The following NHS variants were observed in gnomAD, a reference collection of about 807,000 sequenced individuals.
The protein encoded by NHS is actin remodeling regulator NHS.
NHS carries 5 observed loss-of-function variants against 72.5 expected under a neutral mutation model. The ratio of observed to expected loss-of-function variants is 0.07; its 90% CI spans 0.04 to 0.14. The LOEUF is 0.14. Ranked by LOEUF, NHS falls within the 10% of genes least tolerant of loss-of-function variation. NHS has a pLI of 1.00. For synonymous variants in NHS, 464 were observed against 547.7 expected (o/e 0.85, Z 2.13); for missense variants, 1,072 against 1,355.7 (o/e 0.79, Z 3.29).
chrX:17,693,165 C>T (rs2066207549), intron 3 of NHS, among the ~76,000 whole-genome samples: 1 of 112,518 alleles, frequency 8.9e-6, no homozygotes, highest in African/African-American at 3.2e-5. Context: ...ATGGATGTGG[C>T]TGTAACTCAG....
rs1419410979 is a variant in NHS, at chrX:17,727,184, A to G, written c.3078A>G (p.Ser1026=). 8.3e-7 allele frequency: 1 copy of G among 1,210,526 alleles called. No homozygotes were observed. Among genetic ancestry groups the G allele is most frequent in the Non-Finnish European group, 1.1e-6 (1 of 895,046 alleles). The change falls in exon 7 of 9, where the codon TCA becomes TCG. Residue 1026 remains serine (S), a synonymous_variant. Coordinates refer to ENST00000676302, the MANE Select transcript of NHS (RefSeq NM_001291867.2). ...AGLASPSSGY[S]SQSETPTSSF... ...TGGCATCTCCATCAAGTGGCTATTC[A>G]AGCCAGTCTGAAACGCCAACATCCT...
At chrX:17,715,397 T>C (rs1028622568) in intron 3 of NHS, among the ~76,000 whole-genome samples, 2 of 112,671 alleles carry the variant, frequency 1.8e-5, no homozygotes, top group Non-Finnish European at 3.7e-5. Flanking sequence ...ATGGTGTATA[T>C]TTAACACATT....
chrX:17,547,276 A>G (rs752023419), intron 1 of NHS, among the ~76,000 whole-genome samples: 73 of 112,639 alleles, frequency 6.5e-4, no homozygotes, highest in Non-Finnish European at 1.1e-3. Flanking sequence ...TGTGGATTCA[A>G]AGCAGTGAGC....
At chrX:17,486,775 A>T (rs1038684300) in intron 1 of NHS, among the ~76,000 whole-genome samples, 1 of 112,199 alleles carries the variant, frequency 8.9e-6, no homozygotes, top group African/African-American at 3.2e-5. Flanking sequence ...TGAGCAATAA[A>T]CAAACTACCT....
At chrX:17,474,141 C>T (rs112761064) in intron 1 of NHS, among the ~76,000 whole-genome samples, 4,364 of 111,019 alleles carry the variant, frequency 0.039, 226 homozygotes, top group African/African-American at 0.14. Flanking sequence ...CAAGGTTTTA[C>T]GTGCCACATT....
intron 3 of NHS, among the ~76,000 whole-genome samples, chrX:17,709,885 AG>A (rs1046569728): frequency 9.0e-5 from 10 of 111,406 alleles, no homozygotes; most frequent in Non-Finnish European, 1.9e-4. Context: ...GAATCTAGAA[AG>A]GGGTACTGGA....
intron 1 of NHS, among the ~76,000 whole-genome samples, chrX:17,566,115 G>A (rs2065442120): frequency 9.1e-6 from 1 of 109,629 alleles, no homozygotes; most frequent in South Asian, 4.0e-4. Flanking sequence ...GAATAGCTGG[G>A]ACTACAGGTG....
chrX:17,681,657 C>T (rs185126817), intron 1 of NHS, among the ~76,000 whole-genome samples: 10 of 112,047 alleles, frequency 8.9e-5, no homozygotes, highest in Non-Finnish European at 1.5e-4. Context: ...GTCAGAACTG[C>T]AACTAGAACC....
rs1216194040 is a variant in NHS, at chrX:17,712,253, G to GTATATATA, written c.853-7060_853-7053dup. ...ATGCTTATTGGCCTTTTGTGTGTGT[G>GTATATATA]TATATATATATATATATATATATAT... is the stretch of plus-strand genomic sequence containing the variant. On this transcript the variant is annotated intron_variant, in intron 3 of 8. Coordinates refer to ENST00000676302, the MANE Select transcript of NHS (RefSeq NM_001291867.2). 5.4e-3 allele frequency among the ~76,000 whole-genome samples: 273 copies of GTATATATA among 50,093 alleles called. 3 individuals carry two copies. The highest frequency in any genetic ancestry group is 0.018 in the East Asian group (19 of 1,069). The allele number at this position is 50,093 out of a possible 115,157, so 43.5% of individuals were successfully genotyped here.
At chrX:17,508,717 G>C (rs904205815) in intron 1 of NHS, among the ~76,000 whole-genome samples, 6 of 111,765 alleles carry the variant, frequency 5.4e-5, no homozygotes, top group Non-Finnish European at 1.1e-4. Flanking sequence ...TTATCCGCCT[G>C]CCTCAGCCTC....
intron 1 of NHS, among the ~76,000 whole-genome samples, chrX:17,464,143 T>C (rs1299241738): frequency 8.9e-6 from 1 of 111,856 alleles, no homozygotes; most frequent in Non-Finnish European, 1.9e-5. Context: ...CTAGTTTCCA[T>C]GGGTAGCCTT....
At chrX:17,603,100 C>T (rs919792652) in intron 1 of NHS, among the ~76,000 whole-genome samples, 1 of 111,159 alleles carries the variant, frequency 9.0e-6, no homozygotes, top group Non-Finnish European at 1.9e-5. Context: ...CCCACTTTCA[C>T]CTTCCAAAGT....
chrX:17,687,433 C>T (rs754866189), intron 1 of NHS: 22 of 313,469 alleles, frequency 7.0e-5, no homozygotes, highest in Non-Finnish European at 1.1e-4. Flanking sequence ...TAGCCAGGGG[C>T]TTGTCAGTGT....
chrX:17,600,290 G>C (rs1002264112), intron 1 of NHS, among the ~76,000 whole-genome samples: 10 of 108,480 alleles, frequency 9.2e-5, no homozygotes, highest in Non-Finnish European at 1.5e-4. Context: ...GAGAGACAGA[G>C]AGAGAGAGAG....
chrX:17,649,486 G>A (rs922578297), intron 1 of NHS, among the ~76,000 whole-genome samples: 2 of 111,381 alleles, frequency 1.8e-5, no homozygotes, highest in Admixed American at 9.5e-5. Flanking sequence ...CAAAACCTTT[G>A]CTTAATCTTC....
intron 3 of NHS, among the ~76,000 whole-genome samples, chrX:17,715,470 T>C (rs1159249014): frequency 8.9e-6 from 1 of 112,918 alleles, no homozygotes; most frequent in Non-Finnish European, 1.9e-5. Flanking sequence ...CAATTGCAAA[T>C]TGTGCTGCTA....
chrX:17,485,975 T>C (rs2064965871), intron 1 of NHS, among the ~76,000 whole-genome samples: 1 of 111,627 alleles, frequency 9.0e-6, no homozygotes, highest in African/African-American at 3.3e-5. Context: ...CTCCCCTAGC[T>C]GGGACTAATA....
intron 1 of NHS, among the ~76,000 whole-genome samples, chrX:17,431,210 G>A (rs2064693489): frequency 9.0e-6 from 1 of 111,673 alleles, no homozygotes; most frequent in Non-Finnish European, 1.9e-5. Flanking sequence ...GCCCTTTGAG[G>A]CCTCATTTTC....
At chrX:17,525,648 T>C (rs1324401322) in intron 1 of NHS, among the ~76,000 whole-genome samples, 1 of 104,869 alleles carries the variant, frequency 9.5e-6, no homozygotes, top group Non-Finnish European at 2.0e-5. Flanking sequence ...CTTTTTTTTT[T>C]TTTTTTTTTT....
Sources: gnomAD v4.1 joint callset for allele counts (sites outside exome capture counted in the v4.1 genomes callset) on GRCh38, gnomAD v4.1.1 for gene constraint, MANE v1.5 for transcripts, NCBI Gene and HGNC (gene_info 2026-07-23, HGNC 2026-07-21) for gene names.